The following TLR5 variants were observed in gnomAD, a reference collection of about 807,000 sequenced individuals.
The protein encoded by TLR5 is toll like receptor 5, also known as toll-like receptor 5.
For missense variants in TLR5, 944 were observed against 999.8 expected, an observed-to-expected ratio of 0.94 and a Z score of 0.75; for synonymous variants, 373 against 384.4, an observed-to-expected ratio of 0.97 and a Z score of 0.35.
At chr1:223,117,562 C>CAAAAAAAAAAAAAAAAAAAA (rs66839180) in intron 5 of TLR5, among the ~76,000 whole-genome samples, 26 of 105,122 alleles carry the variant, frequency 2.5e-4, no homozygotes, top group Middle Eastern at 5.4e-3. Flanking sequence ...ATGGTGTTCA[C>CAAAAAAAAAAAAAAAAAAAA]AAAAAAAAAA....
In TLR5 at chr1:223,115,219, T is replaced by A. The variant is rs183207437; in HGVS notation, c.-4-2184A>T. ...TCCTCAATAACTCATTAAAAAAATTTGCTGAGCACCCATTATGTGTCAGGC... is the reference window on the plus strand; with the variant it reads ...TCCTCAATAACTCATTAAAAAAATTAGCTGAGCACCCATTATGTGTCAGGC... On this transcript the variant is annotated intron_variant, in intron 5 of 5. Transcript: ENST00000642603. Among the ~76,000 whole-genome samples, 530 of 152,326 alleles carry A rather than the reference T, an allele frequency of 3.5e-3. 1 individual carries two copies. Among genetic ancestry groups the A allele is most frequent in the Non-Finnish European group, 6.2e-3 (420 of 68,028 alleles).
Position 223,111,976 on chromosome 1 carries a change from G to C in TLR5, c.1056C>G (p.Tyr352Ter). 4 of 1,614,174 alleles carry C rather than the reference G, an allele frequency of 2.5e-6. No homozygotes were observed. The highest frequency in any genetic ancestry group is 3.4e-6 in the Non-Finnish European group (4 of 1,180,034). ...NLSYNLLGEL[Y>*]SSNFYGLPKV... is the part of the protein sequence containing the mutation. ...TAGGTAGTCCATAGAAATTCGAACT[G>C]TAAAGTTCCCCCAGAAGGTTATATG... Residue 352 changes from tyrosine to a stop codon, truncating the protein, a stop_gained, in exon 6 of 6, where the codon TAC becomes TAG. Coordinates refer to ENST00000642603, the MANE Select transcript of TLR5 (RefSeq NM_003268.6). LOFTEE classifies it low-confidence loss of function (END_TRUNC).
intron 5 of TLR5, among the ~76,000 whole-genome samples, chr1:223,116,975 C>T (rs760045710): frequency 2.6e-5 from 4 of 152,196 alleles, no homozygotes; most frequent in Non-Finnish European, 5.9e-5. Context: ...CTCTTCAGTC[C>T]TTGGGTGGTC....
rs567746232 is a variant in TLR5 at position 223,141,757 on chromosome 1, A to C, written c.-548T>G. The C allele has an allele frequency of 7.0e-6, 1 of 142,758 alleles. No individual in the cohort carries two copies. The highest frequency in any genetic ancestry group is 1.5e-5 in the Non-Finnish European group (1 of 66,354). The allele number at this position is 142,758 out of a possible 1,614,324, so 8.8% of individuals were successfully genotyped here. A position where few individuals can be genotyped will look rare whatever the true frequency, so the allele number is the denominator to read the frequency against. On this transcript the variant is annotated 5_prime_UTR_variant, in exon 2 of 6. Coordinates refer to ENST00000642603, the MANE Select transcript of TLR5 (RefSeq NM_003268.6). ...CACTGCAGTCCAGCCTGGGCGGCAG[A>C]GTGAGACTGTCTCAAAAAAAAAATT... is the stretch of plus-strand genomic sequence containing the variant.
At chr1:223,141,212 A>C (rs1241972991) in intron 2 of TLR5, among the ~76,000 whole-genome samples, 1 of 152,224 alleles carries the variant, frequency 6.6e-6, no homozygotes. Context: ...CAGCAGAGCC[A>C]AACTTCCTGA....
rs1218414340 is a variant in TLR5 at position 223,141,806 on chromosome 1, TATATATATATATATATAGAG to T, written c.-554-63_-554-44del. The T allele has an allele frequency of 5.1e-3, 458 of 89,544 alleles. 4 individuals are homozygous for T. Among genetic ancestry groups the T allele is most frequent in the Admixed American group, 8.6e-3 (69 of 8,058 alleles). 5.5% of individuals were successfully genotyped at this position (89,544 alleles called of 1,614,324 possible). ...TTACATATATATATATATATATATA[TATATATATATATATATAGAG>T]AGAGAGAGAGAGAGAGAGAGAGAGA... is the stretch of plus-strand genomic sequence containing the variant. On this transcript the variant is annotated intron_variant, in intron 1 of 5. Coordinates refer to ENST00000642603, the MANE Select transcript of TLR5 (RefSeq NM_003268.6).
At chr1:223,113,887 AC>A (rs1656496767) in intron 5 of TLR5, among the ~76,000 whole-genome samples, 1 of 152,192 alleles carries the variant, frequency 6.6e-6, no homozygotes, top group Non-Finnish European at 1.5e-5. Flanking sequence ...TCAGCCGGGT[AC>A]CCCGTTCCTA....
intron 1 of TLR5, 49 bp from the exon 2 acceptor site, chr1:223,141,812 TATATATATATAGAGAGAGAGAG>T (rs1291965023): frequency 2.9e-4 from 17 of 57,776 alleles, no homozygotes; most frequent in Admixed American, 1.2e-3. Flanking sequence ...TATATATATA[TATATATATATAGAGAGAGAGAG>T]AGAGAGAGAG....
At chr1:223,116,915 G>A (rs776234681) in intron 5 of TLR5, among the ~76,000 whole-genome samples, 41 of 152,304 alleles carry the variant, frequency 2.7e-4, no homozygotes, top group Non-Finnish European at 3.8e-4. Context: ...TGGATCCCGC[G>A]TCAGGGCTAG....
intron 5 of TLR5, among the ~76,000 whole-genome samples, chr1:223,117,875 T>G (rs1656757765): frequency 6.6e-6 from 1 of 152,250 alleles, no homozygotes; most frequent in Admixed American, 6.5e-5. Flanking sequence ...AAGAGATTTA[T>G]TCTGAGCTAA....
At chr1:223,127,761 C>G (rs989810291) in intron 5 of TLR5, 3 of 152,246 alleles carry the variant, frequency 2.0e-5, no homozygotes, top group African/African-American at 7.2e-5. Context: ...TGCACTGTAT[C>G]TGGAATTTTT....
chr1:223,113,162 C>G, intron 5 of TLR5, 127 bp from the exon 6 acceptor site: 1 of 895,808 alleles, frequency 1.1e-6, no homozygotes, highest in Non-Finnish European at 1.8e-6. Context: ...TCCTCTGACT[C>G]CACAGACGTG....
At chr1:223,141,106 A>G (rs1444715018) in intron 2 of TLR5, among the ~76,000 whole-genome samples, 1 of 152,216 alleles carries the variant, frequency 6.6e-6, no homozygotes, top group African/African-American at 2.4e-5. Flanking sequence ...AAACAAACAC[A>G]TCTGGATGCA....
At chr1:223,119,859 A>C (rs1372026298) in intron 5 of TLR5, among the ~76,000 whole-genome samples, 2 of 150,698 alleles carry the variant, frequency 1.3e-5, no homozygotes, top group African/African-American at 4.9e-5. Context: ...TTGAAGCATG[A>C]GAATCACTTG....
intron 5 of TLR5, among the ~76,000 whole-genome samples, chr1:223,118,429 C>A (rs1301559669): frequency 2.6e-5 from 4 of 151,872 alleles, no homozygotes; most frequent in African/African-American, 4.8e-5. Context: ...TGCCTGAAAT[C>A]CTAGCTACTC....
intron 5 of TLR5, among the ~76,000 whole-genome samples, chr1:223,117,820 A>T (rs1364163834): frequency 6.6e-6 from 1 of 152,212 alleles, no homozygotes; most frequent in Non-Finnish European, 1.5e-5. Context: ...TCAAGATGTC[A>T]TGATAATGTA....
chr1:223,113,565 G>C (rs1306214678), intron 5 of TLR5, among the ~76,000 whole-genome samples: 1 of 151,786 alleles, frequency 6.6e-6, no homozygotes, highest in Non-Finnish European at 1.5e-5. Context: ...CACTATTCTA[G>C]GTACTTAAAA....
At chr1:223,118,076 C>T (rs1286455235) in intron 5 of TLR5, among the ~76,000 whole-genome samples, 1 of 152,138 alleles carries the variant, frequency 6.6e-6, no homozygotes, top group African/African-American at 2.4e-5. Context: ...AACATGTGCC[C>T]AAGGTGGTCA....
chr1:223,112,633 A>G lies in TLR5; in HGVS notation c.399T>C (p.Asp133=), dbSNP rs553801406. Residue 133 remains aspartate (D), a synonymous_variant, in exon 6 of 6, where the codon GAT becomes GAC. Coordinates refer to ENST00000642603, the MANE Select transcript of TLR5 (RefSeq NM_003268.6). ...ELRLYFCGLS[D]AVLKDGYFRN... Reference sequence around the variant, plus strand: ...TGAAATAACCATCTTTCAATACAGCATCAGAGAGACCACAGAAATACAGTC... The same window carrying G: ...TGAAATAACCATCTTTCAATACAGCGTCAGAGAGACCACAGAAATACAGTC... 3.7e-6 allele frequency: 6 copies of G among 1,614,246 alleles called. No homozygotes were observed. In the East Asian group the frequency reaches 6.7e-5, roughly 18 times the overall value.
Sources: gnomAD v4.1 joint callset for allele counts (sites outside exome capture counted in the v4.1 genomes callset) on GRCh38, gnomAD v4.1.1 for gene constraint, MANE v1.5 for transcripts, NCBI Gene and HGNC (gene_info 2026-07-23, HGNC 2026-07-21) for gene names.